The following NCOA6 variants were observed in gnomAD, a reference collection of about 807,000 sequenced individuals.
The protein encoded by NCOA6 is NRC RAP250.
Under a neutral mutation model 171.4 loss-of-function variants are expected in NCOA6, and 49 were observed. The observed-to-expected ratio is 0.29, with a 90% CI of 0.23 to 0.36. The LOEUF is 0.36. NCOA6 is among the 10% of genes least tolerant of loss of function. NCOA6 has a pLI of 1.00. For missense variants in NCOA6, 2,248 were observed against 2,554.5 expected, an observed-to-expected ratio of 0.88 and a Z score of 2.59; for synonymous variants, 910 against 927.5, an observed-to-expected ratio of 0.98 and a Z score of 0.34.
chr20:34,768,620 T>C, intron 4 of NCOA6, 34 bp from the exon 5 acceptor site: 1 of 1,609,100 alleles, frequency 6.2e-7, no homozygotes, highest in Non-Finnish European at 8.5e-7. Flanking sequence ...AAGGAAATCA[T>C]TAGAATAAAA....
intron 14 of NCOA6, among the ~76,000 whole-genome samples, chr20:34,721,651 G>C (rs574734590): frequency 1.3e-5 from 2 of 152,272 alleles, no homozygotes; most frequent in Admixed American, 1.3e-4. Flanking sequence ...AGGAGATGGA[G>C]CTCAGGCAGT....
chr20:34,742,463 T>C lies in NCOA6; in HGVS notation c.3793A>G (p.Asn1265Asp). ...TGTTGATCAAAGCCCCTGTTTAAAT[T>C]TGGCCTAGGAGGTAAAGGAATATTA... ...QINIPLPPRP[N>D]LNRGFDQQGL... The change falls in exon 11 of 15, where the codon AAT becomes GAT. Residue 1265 changes from asparagine to aspartate, a missense_variant. Around this residue, in one of 7 missense-constraint regions of NCOA6, gnomAD observed 14 missense variants for 17.6 expected, o/e 0.80. Transcript: ENST00000359003. The C allele has an allele frequency of 6.2e-7, 1 of 1,614,160 alleles. No individual in the cohort carries two copies. Among genetic ancestry groups the C allele is most frequent in the Non-Finnish European group, 8.5e-7 (1 of 1,180,026 alleles).
At chr20:34,729,960 G>T (rs1990412055) in intron 13 of NCOA6, among the ~76,000 whole-genome samples, 1 of 152,184 alleles carries the variant, frequency 6.6e-6, no homozygotes, top group African/African-American at 2.4e-5. Context: ...GGAATTACAA[G>T]TCAGGGGGAT....
At chr20:34,801,757 C>T (rs951813158) in intron 1 of NCOA6, among the ~76,000 whole-genome samples, 1 of 152,006 alleles carries the variant, frequency 6.6e-6, no homozygotes, top group Non-Finnish European at 1.5e-5. Flanking sequence ...CCTATCTACT[C>T]GGGAGGCTGA....
intron 8 of NCOA6, among the ~76,000 whole-genome samples, chr20:34,751,675 C>G (rs1029636263): frequency 6.6e-6 from 1 of 152,058 alleles, no homozygotes; most frequent in African/African-American, 2.4e-5. Flanking sequence ...CTCAGTGACC[C>G]TCTCCTGCGC....
intron 9 of NCOA6, among the ~76,000 whole-genome samples, chr20:34,748,300 A>G (rs1246547909): frequency 1.3e-5 from 2 of 152,244 alleles, no homozygotes; most frequent in Non-Finnish European, 2.9e-5. Flanking sequence ...TCAGGAAAAT[A>G]TAGGTTATCA....
At chr20:34,751,299 A>G (rs1003702357) in intron 8 of NCOA6, among the ~76,000 whole-genome samples, 7 of 141,786 alleles carry the variant, frequency 4.9e-5, no homozygotes, top group Non-Finnish European at 1.1e-4. Flanking sequence ...GAACCCGGGA[A>G]GCGGAGCTTG....
chr20:34,729,534 CAACAA>C (rs11470877), intron 13 of NCOA6, among the ~76,000 whole-genome samples: 69,847 of 149,852 alleles, frequency 0.47, 16,521 homozygotes, highest in African/African-American at 0.53. Context: ...AAAAATAATG[CAACAA>C]AACAAAACAA....
intron 14 of NCOA6, among the ~76,000 whole-genome samples, chr20:34,716,940 G>C (rs1988677564): frequency 6.6e-6 from 1 of 151,740 alleles, no homozygotes; most frequent in African/African-American, 2.4e-5. Flanking sequence ...TCATCAAGGA[G>C]AAAAAAAATG....
At chr20:34,823,338 T>C (rs1313185456) in intron 1 of NCOA6, among the ~76,000 whole-genome samples, 1 of 151,254 alleles carries the variant, frequency 6.6e-6, no homozygotes, top group Non-Finnish European at 1.5e-5. Context: ...GGCAACATGT[T>C]GAAACCCCAA....
intron 14 of NCOA6, among the ~76,000 whole-genome samples, chr20:34,719,723 G>A (rs1238391784): frequency 6.6e-6 from 1 of 151,578 alleles, no homozygotes; most frequent in Non-Finnish European, 1.5e-5. Context: ...ATTTTGGAGG[G>A]AGCTCTCCAG....
Position 34,736,693 on chromosome 20 carries a change from G to T in NCOA6, c.5959C>A (p.Pro1987Thr). The part of the protein sequence containing the change: ...TTALQASVAR[P>T]ELEVNAAIVS... ...GTTTTTCCAAAGTACGCCTTACCTG[G>T]TCTGGCAACAGAGGCCTGCAGTGCT... is the stretch of plus-strand genomic sequence containing the variant. The change falls in exon 12 of 15, where the codon CCA becomes ACA. Residue 1987 changes from proline to threonine, a missense_variant. Pro to Thr is a conservative substitution (Grantham distance 38, BLOSUM62 -1). This residue lies in a region of NCOA6 where 884 missense variants were observed against 941.9 expected (regional missense o/e 0.94). Transcript: ENST00000359003. 2 of 1,606,976 alleles carry T rather than the reference G, an allele frequency of 1.2e-6. No individual in the cohort carries two copies. The highest frequency in any genetic ancestry group is 1.1e-5 in the South Asian group (1 of 89,892).
At chr20:34,773,319 C>T (rs1009080690) in intron 4 of NCOA6, among the ~76,000 whole-genome samples, 5 of 152,142 alleles carry the variant, frequency 3.3e-5, no homozygotes, top group African/African-American at 9.7e-5. Context: ...AAGATGTTTC[C>T]CCAATTCCCT....
At chr20:34,746,671 T>TA in intron 10 of NCOA6, 136 bp downstream of exon 10, 1 of 1,062,934 alleles carries the variant, frequency 9.4e-7, no homozygotes, top group Non-Finnish European at 1.3e-6. Flanking sequence ...AGCTTCCAAA[T>TA]ACCAGACACA....
At chr20:34,772,278 C>T (rs1021867848) in intron 4 of NCOA6, among the ~76,000 whole-genome samples, 1 of 151,628 alleles carries the variant, frequency 6.6e-6, no homozygotes, top group Non-Finnish European at 1.5e-5. Flanking sequence ...TGTACCACTG[C>T]CCTCCAACCT....
intron 2 of NCOA6, among the ~76,000 whole-genome samples, chr20:34,785,083 AAAAT>A (rs1410203052): frequency 6.6e-6 from 1 of 152,150 alleles, no homozygotes; most frequent in Middle Eastern, 3.2e-3. Flanking sequence ...CTTCATCTCA[AAAAT>A]AAATAAATAA....
chr20:34,715,268 G>A lies in NCOA6; in HGVS notation c.*54C>T. On this transcript the variant is annotated 3_prime_UTR_variant, in exon 15 of 15. Transcript: ENST00000359003. Reference sequence around the variant, plus strand: ...TTTAAAAAAGTCACAGCTCAAAATTGCTCTTTGTAAAAGTCACACACATTT... The same window carrying A: ...TTTAAAAAAGTCACAGCTCAAAATTACTCTTTGTAAAAGTCACACACATTT... 6.2e-7 allele frequency: 1 copy of A among 1,611,396 alleles called. No individual in the cohort carries two copies. Among genetic ancestry groups the A allele is most frequent in the Non-Finnish European group, 8.5e-7 (1 of 1,178,124 alleles).
At position 34,793,060 on chromosome 20, in the gene NCOA6, A is replaced by T. The variant is rs1352294659; in HGVS notation, c.-163-497T>A. Among the ~76,000 whole-genome samples the T allele has an allele frequency of 2.0e-5, 3 of 152,030 alleles. No individual in the cohort carries two copies. In the East Asian group the frequency reaches 5.8e-4, roughly 29 times the overall value. On this transcript the variant is annotated intron_variant, in intron 1 of 14. Coordinates refer to ENST00000359003, the MANE Select transcript of NCOA6 (RefSeq NM_014071.5). ...AGCCTCCCAAAGTGCTGAGATTACA[A>T]GCATGAGCCACTGCCCCCAGCCTTT...
At chr20:34,788,004 C>T (rs955135473) in intron 2 of NCOA6, among the ~76,000 whole-genome samples, 2 of 151,828 alleles carry the variant, frequency 1.3e-5, no homozygotes, top group African/African-American at 4.8e-5. Context: ...TTAGCTGAGA[C>T]TACAGGCAGA....
Sources: allele counts gnomAD v4.1 joint callset (sites outside exome capture counted in the v4.1 genomes callset), GRCh38; gene constraint gnomAD v4.1.1; regional missense constraint gnomAD v4.1.1; transcripts MANE v1.5; gene names NCBI Gene and HGNC (gene_info 2026-07-23, HGNC 2026-07-21).